UBASH3B: variants seen among roughly 807,000 people sequenced by gnomAD.
The protein encoded by UBASH3B is ubiquitin-associated and SH3 domain-containing protein B.
In UBASH3B, 37 loss-of-function variants were observed where a neutral mutation model predicts 83.4. That is an observed-to-expected ratio of 0.44 (90% CI 0.34 to 0.58). The LOEUF is 0.58. Among genes scored for constraint, UBASH3B ranks in the 20% least tolerant of loss-of-function variants. The pLI, the probability that UBASH3B is intolerant of heterozygous loss-of-function variation, is 0.01. For synonymous variants in UBASH3B, 304 were observed against 318.3 expected (o/e 0.96, Z 0.48); for missense variants, 657 against 827.2 (o/e 0.79, Z 2.52).
intron 1 of UBASH3B, among the ~76,000 whole-genome samples, chr11:122,753,938 CCCTGTGAAACT>C (rs1861242761): frequency 6.6e-6 from 1 of 152,196 alleles, no homozygotes; most frequent in East Asian, 1.9e-4. Flanking sequence ...CAAGTGCCTT[CCCTGTGAAACT>C]CCTAGTGCAG....
At chr11:122,748,487 A>G (rs367851901) in intron 1 of UBASH3B, among the ~76,000 whole-genome samples, 16 of 152,154 alleles carry the variant, frequency 1.1e-4, no homozygotes, top group East Asian at 3.9e-4. Flanking sequence ...CTTTTCCCTC[A>G]GTGGAAATGG....
chr11:122,798,802 T>A (rs1861199089), intron 9 of UBASH3B, 140 bp from the exon 10 acceptor site: 1 of 579,318 alleles, frequency 1.7e-6, no homozygotes, highest in African/African-American at 1.9e-5. Flanking sequence ...TAACAAAGGC[T>A]GAAACTACTG....
intron 1 of UBASH3B, among the ~76,000 whole-genome samples, chr11:122,663,873 A>T (rs1269502007): frequency 6.6e-6 from 1 of 152,236 alleles, no homozygotes; most frequent in African/African-American, 2.4e-5. Context: ...TACAATGCAG[A>T]CAATAACAGC....
intron 12 of UBASH3B, among the ~76,000 whole-genome samples, chr11:122,807,255 G>A (rs1861356861): frequency 6.6e-6 from 1 of 152,188 alleles, no homozygotes; most frequent in Admixed American, 6.5e-5. Context: ...AGAAGGAGTT[G>A]CACAGACAGC....
Position 122,670,199 on chromosome 11 carries a change from G to GTA in UBASH3B, c.161+13994_161+13995dup, listed in dbSNP as rs57831990. On this transcript the variant is annotated intron_variant, in intron 1 of 13. Transcript: ENST00000284273. ...TGTGAATGTGTGTGTGTGTGTGTGT[G>GTA]TATATACACTGCCCATCTCAGCTCC... Among the ~76,000 whole-genome samples, 971 of 148,172 alleles carry GTA rather than the reference G, an allele frequency of 6.6e-3. 9 individuals are homozygous for GTA. The highest frequency in any genetic ancestry group is 0.032 in the South Asian group (150 of 4,696).
intron 1 of UBASH3B, among the ~76,000 whole-genome samples, chr11:122,706,492 TA>T (rs1403550993): frequency 1.3e-5 from 2 of 152,220 alleles, no homozygotes; most frequent in Non-Finnish European, 2.9e-5. Context: ...CTTGTGTTGT[TA>T]AGCTAGAGAG....
At chr11:122,723,081 T>C (rs1261560090) in intron 1 of UBASH3B, among the ~76,000 whole-genome samples, 2 of 152,162 alleles carry the variant, frequency 1.3e-5, no homozygotes, top group African/African-American at 4.8e-5. Context: ...GTGGTTATGC[T>C]TCAGAAGCTC....
chr11:122,674,760 G>A (rs550619587), intron 1 of UBASH3B, among the ~76,000 whole-genome samples: 8 of 132,032 alleles, frequency 6.1e-5, no homozygotes, highest in African/African-American at 2.3e-4. Flanking sequence ...GCGGAGTCTC[G>A]CTCTGAGGCC....
intron 1 of UBASH3B, among the ~76,000 whole-genome samples, chr11:122,720,792 C>T (rs1000239831): frequency 2.0e-5 from 3 of 152,138 alleles, no homozygotes; most frequent in African/African-American, 4.8e-5. Flanking sequence ...ATAGGAATCC[C>T]TTCCCACCCT....
chr11:122,679,607 C>T (rs1480498414), intron 1 of UBASH3B, among the ~76,000 whole-genome samples: 6 of 152,220 alleles, frequency 3.9e-5, no homozygotes, highest in Admixed American at 2.6e-4. Flanking sequence ...GACCAGCAAA[C>T]TCTGTAGAGG....
chr11:122,791,885 G>A (rs1328724845), intron 6 of UBASH3B, among the ~76,000 whole-genome samples: 1 of 152,192 alleles, frequency 6.6e-6, no homozygotes, highest in Non-Finnish European at 1.5e-5. Context: ...TCTGAGTTAT[G>A]AACCAAGACA....
At chr11:122,775,811 AC>A (rs1860721758) in intron 1 of UBASH3B, 1 of 164,478 alleles carries the variant, frequency 6.1e-6, no homozygotes, top group African/African-American at 2.4e-5. Flanking sequence ...CATCAGCACC[AC>A]TTCTAATACT....
rs1483180244 is a variant in UBASH3B, at chr11:122,672,858, CAGG to C, written c.161+16649_161+16651del. 2.0e-5 allele frequency among the ~76,000 whole-genome samples: 3 copies of C among 152,220 alleles called. No individual in the cohort carries two copies. In the East Asian group the frequency reaches 5.8e-4, roughly 29 times the overall value. On this transcript the variant is annotated intron_variant, in intron 1 of 13. Coordinates refer to ENST00000284273, the MANE Select transcript of UBASH3B (RefSeq NM_032873.5). Reference sequence around the variant, plus strand: ...AGCATACCTAAAGTCCCTGGGGGACCAGGCTGGGCCAGCCTGCAGTAGGGACAT... The same window carrying C: ...AGCATACCTAAAGTCCCTGGGGGACCCTGGGCCAGCCTGCAGTAGGGACAT...
intron 1 of UBASH3B, among the ~76,000 whole-genome samples, chr11:122,746,577 C>T (rs1861121888): frequency 6.6e-6 from 1 of 152,140 alleles, no homozygotes. Flanking sequence ...GAGAAGAATG[C>T]TTCCAATGTA....
At chr11:122,797,605 A>G (rs1861178620) in intron 9 of UBASH3B, among the ~76,000 whole-genome samples, 1 of 152,256 alleles carries the variant, frequency 6.6e-6, no homozygotes, top group African/African-American at 2.4e-5. Flanking sequence ...AATATGATAT[A>G]CATAGAGCTA....
At chr11:122,798,084 G>A in intron 9 of UBASH3B, among the ~76,000 whole-genome samples, 2 of 152,058 alleles carry the variant, frequency 1.3e-5, no homozygotes, top group Non-Finnish European at 2.9e-5. Flanking sequence ...TGGAGTTCGA[G>A]GCTGCACTGA....
chr11:122,813,862 C>G lies in UBASH3B; in HGVS notation c.*3976C>G, dbSNP rs956606038. On this transcript the variant is annotated 3_prime_UTR_variant, in exon 14 of 14. Transcript: ENST00000284273. ...AAAGTGACTAGCTATAATGAAAATTCAAGCGAAAAGGGAAAAAGATTGTAA... is the reference window on the plus strand; with the variant it reads ...AAAGTGACTAGCTATAATGAAAATTGAAGCGAAAAGGGAAAAAGATTGTAA... 6.6e-6 allele frequency: 1 copy of G among 152,096 alleles called. No homozygotes were observed. The highest frequency in any genetic ancestry group is 1.5e-5 in the Non-Finnish European group (1 of 68,024). 9.4% of individuals were successfully genotyped at this position (152,096 alleles called of 1,614,324 possible). A position where few individuals can be genotyped will look rare whatever the true frequency, so the allele number is the denominator to read the frequency against.
At chr11:122,728,058 A>C (rs1196413492) in intron 1 of UBASH3B, among the ~76,000 whole-genome samples, 1 of 152,020 alleles carries the variant, frequency 6.6e-6, no homozygotes, top group African/African-American at 2.4e-5. Context: ...GGCTGGTCTC[A>C]AACTACGGGG....
chr11:122,725,318 G>A (rs1860714286), intron 1 of UBASH3B, among the ~76,000 whole-genome samples: 3 of 47,408 alleles, frequency 6.3e-5, no homozygotes, highest in Non-Finnish European at 1.5e-4. Flanking sequence ...GATGAGCATA[G>A]CACCATAAAC....
Sources: allele counts gnomAD v4.1 joint callset (sites outside exome capture counted in the v4.1 genomes callset), GRCh38; gene constraint gnomAD v4.1.1; transcripts MANE v1.5; gene names NCBI Gene and HGNC (gene_info 2026-07-23, HGNC 2026-07-21).